Variants in VPS13B observed in about 807,000 individuals in gnomAD.
VPS13B encodes the protein vacuolar protein sorting 13 homolog B, also known as intermembrane lipid transfer protein VPS13B.
A neutral mutation model predicts 426.4 loss-of-function variants in VPS13B; 285 were observed. The observed-to-expected ratio is 0.67, with a 90% CI of 0.61 to 0.74. The LOEUF (loss-of-function observed/expected upper bound fraction) is 0.74, where lower values mean the gene tolerates loss of function less well. VPS13B is among the 30% of genes least tolerant of loss of function. The probability of loss-of-function intolerance (pLI) is 0.00; values close to 1 mark genes in which losing one functional copy is unlikely to be tolerated. For synonymous variants in VPS13B, 1,676 were observed against 1,676.4 expected, an observed-to-expected ratio of 1.00 and a Z score of 0.01; for missense variants, 4,537 against 4,782.6, an observed-to-expected ratio of 0.95 and a Z score of 1.51.
At chr8:99,803,485 C>T (rs1371450033) in intron 43 of VPS13B, among the ~76,000 whole-genome samples, 2 of 152,142 alleles carry the variant, frequency 1.3e-5, no homozygotes, top group African/African-American at 4.8e-5. Flanking sequence ...AAACAAACTA[C>T]ATCAAAGGGT....
chr8:99,084,554 A>C (rs1845664001), intron 3 of VPS13B, among the ~76,000 whole-genome samples: 2 of 152,080 alleles, frequency 1.3e-5, no homozygotes, highest in African/African-American at 4.8e-5. Context: ...TTAGGGTGTC[A>C]ATTTTAGATC....
At chr8:99,700,248 A>G (rs1012982937) in intron 36 of VPS13B, among the ~76,000 whole-genome samples, 4 of 152,234 alleles carry the variant, frequency 2.6e-5, no homozygotes, top group South Asian at 2.1e-4. Context: ...TTTATGAACC[A>G]TAAGAAGAGT....
intron 39 of VPS13B, among the ~76,000 whole-genome samples, chr8:99,751,108 A>C (rs1211393194): frequency 6.6e-6 from 1 of 152,266 alleles, no homozygotes; most frequent in East Asian, 1.9e-4. Flanking sequence ...AACTAAGATA[A>C]CTATTTTCAA....
chr8:99,419,438 T>A (rs1162108011), intron 21 of VPS13B, among the ~76,000 whole-genome samples: 177 of 145,964 alleles, frequency 1.2e-3, no homozygotes, highest in African/African-American at 4.2e-3. Flanking sequence ...TTATTTTTCA[T>A]AGTCATCTTC....
intron 22 of VPS13B, among the ~76,000 whole-genome samples, chr8:99,436,999 A>T (rs1008504617): frequency 6.6e-6 from 1 of 152,108 alleles, no homozygotes; most frequent in Non-Finnish European, 1.5e-5. Flanking sequence ...TCGGCCTCCT[A>T]AAGTGCTGGG....
At chr8:99,607,728 A>G (rs142117229) in intron 33 of VPS13B, among the ~76,000 whole-genome samples, 1 of 152,206 alleles carries the variant, frequency 6.6e-6, no homozygotes, top group South Asian at 2.1e-4. Flanking sequence ...TGGGTTGGCT[A>G]TAACTCATTA....
rs188969268 is a variant in VPS13B at position 99,448,054 on chromosome 8, A to G, written c.3445+5419A>G. 9.1e-4 allele frequency among the ~76,000 whole-genome samples: 138 copies of G among 151,788 alleles called. 1 individual carries two copies. Among genetic ancestry groups the G allele is most frequent in the African/African-American group, 2.8e-3 (116 of 41,486 alleles). ...TTGTTTTTCAAGTACATCAAGAATGACTTAGGAACTGCGGAAGTCTCCATC... is the reference window on the plus strand; with the variant it reads ...TTGTTTTTCAAGTACATCAAGAATGGCTTAGGAACTGCGGAAGTCTCCATC... On this transcript the variant is annotated intron_variant, in intron 23 of 61. Coordinates refer to ENST00000357162, the MANE Select transcript of VPS13B (RefSeq NM_152564.5).
At chr8:99,290,269 T>G (rs902162193) in intron 19 of VPS13B, among the ~76,000 whole-genome samples, 1 of 152,072 alleles carries the variant, frequency 6.6e-6, no homozygotes, top group African/African-American at 2.4e-5. Flanking sequence ...TGTCCATCAA[T>G]GATAGACTGG....
chr8:99,303,739 A>AAAAAAAAG (rs1417492620), intron 19 of VPS13B, among the ~76,000 whole-genome samples: 15 of 149,918 alleles, frequency 1.0e-4, no homozygotes, highest in Admixed American at 1.0e-3. Flanking sequence ...TCAAAAAAAA[A>AAAAAAAAG]AAAAAAAAAA....
At chr8:99,331,832 A>G (rs935040123) in intron 19 of VPS13B, among the ~76,000 whole-genome samples, 1 of 151,826 alleles carries the variant, frequency 6.6e-6, no homozygotes, top group Non-Finnish European at 1.5e-5. Flanking sequence ...GATACATTGC[A>G]TGATCTTACA....
At chr8:99,681,006 A>G (rs1831132874) in intron 35 of VPS13B, among the ~76,000 whole-genome samples, 1 of 152,240 alleles carries the variant, frequency 6.6e-6, no homozygotes, top group Non-Finnish European at 1.5e-5. Flanking sequence ...TTTAAGTTAA[A>G]AAATACCAGA....
At chr8:99,614,565 A>G (rs751175726) in intron 33 of VPS13B, among the ~76,000 whole-genome samples, 52 of 152,188 alleles carry the variant, frequency 3.4e-4, no homozygotes, top group Admixed American at 5.2e-4. Flanking sequence ...GGCCTGAGCC[A>G]CTGCGCCTGG....
intron 40 of VPS13B, 57 bp from the exon 41 acceptor site, chr8:99,776,718 C>A: frequency 2.6e-6 from 4 of 1,540,616 alleles, no homozygotes; most frequent in South Asian, 1.1e-5. Context: ...ACGTTTCACT[C>A]ATATAATATT....
At chr8:99,792,707 T>G (rs1483645995) in intron 43 of VPS13B, among the ~76,000 whole-genome samples, 1 of 152,104 alleles carries the variant, frequency 6.6e-6, no homozygotes, top group Non-Finnish European at 1.5e-5. Context: ...TGCCAACAAC[T>G]TAAGCAAGCT....
chr8:99,668,869 C>T (rs1358690133), intron 35 of VPS13B, among the ~76,000 whole-genome samples: 1 of 152,156 alleles, frequency 6.6e-6, no homozygotes, highest in Non-Finnish European at 1.5e-5. Context: ...ACAATCTAAA[C>T]CCTGCGGAAC....
At chr8:99,714,582 A>G (rs1282991517) in intron 36 of VPS13B, among the ~76,000 whole-genome samples, 1 of 152,234 alleles carries the variant, frequency 6.6e-6, no homozygotes, top group Non-Finnish European at 1.5e-5. Context: ...AAAATCTGAC[A>G]GACACCACTT....
In VPS13B at chr8:99,014,110, C is replaced by CTTTTTTTTTTTTTTTTTTTTTTTTTT; in HGVS notation, c.147+200_147+201insTTTTTTTTTTTTTTTTTTTTTTTTTT. ...TACACTATTTTCTTTTTCTTTCTTT[C>CTTTTTTTTTTTTTTTTTTTTTTTTTT]TTTTTTTTTTTTTTTTTTTTTTTTT... On this transcript the variant is annotated intron_variant, in intron 2 of 61. Coordinates refer to ENST00000357162, the MANE Select transcript of VPS13B (RefSeq NM_152564.5). Among the ~76,000 whole-genome samples the CTTTTTTTTTTTTTTTTTTTTTTTTTT allele has an allele frequency of 1.3e-3, 95 of 72,310 alleles. 5 individuals carry two copies. Among genetic ancestry groups the CTTTTTTTTTTTTTTTTTTTTTTTTTT allele is most frequent in the East Asian group, 2.1e-3 (4 of 1,922 alleles). 47.4% of individuals were successfully genotyped at this position (72,310 alleles called of 152,430 possible).
At chr8:99,652,788 T>A (rs764081933) in intron 34 of VPS13B, among the ~76,000 whole-genome samples, 2 of 152,176 alleles carry the variant, frequency 1.3e-5, no homozygotes, top group African/African-American at 2.4e-5. Flanking sequence ...GTCATAATGA[T>A]CACACTCTGA....
intron 23 of VPS13B, among the ~76,000 whole-genome samples, chr8:99,462,546 A>G (rs1299132029): frequency 6.6e-6 from 1 of 152,088 alleles, no homozygotes; most frequent in Non-Finnish European, 1.5e-5. Flanking sequence ...TTTAGCTATC[A>G]TCTTTCACTG....
Sources: allele counts gnomAD v4.1 joint callset (sites outside exome capture counted in the v4.1 genomes callset), GRCh38; gene constraint gnomAD v4.1.1; transcripts MANE v1.5; gene names NCBI Gene and HGNC (gene_info 2026-07-23, HGNC 2026-07-21).